The following LHFPL6 variants were observed in gnomAD, a reference collection of about 807,000 sequenced individuals.
LHFPL6 encodes the protein LHFPL tetraspan subfamily member 6, also known as LHFPL tetraspan subfamily member 6 protein.
A neutral mutation model predicts 20.6 loss-of-function variants in LHFPL6; 9 were observed. The observed-to-expected ratio is 0.44, with a 90% CI of 0.26 to 0.76. The LOEUF (loss-of-function observed/expected upper bound fraction) is 0.76, where lower values mean the gene tolerates loss of function less well. Among genes scored for constraint, LHFPL6 ranks in the 30% least tolerant of loss-of-function variants. The pLI, the probability that LHFPL6 is intolerant of heterozygous loss-of-function variation, is 0.20. For missense variants in LHFPL6, 218 were observed against 253.5 expected, an observed-to-expected ratio of 0.86 and a Z score of 0.95; for synonymous variants, 105 against 98.7, an observed-to-expected ratio of 1.06 and a Z score of -0.38.
intron 2 of LHFPL6, among the ~76,000 whole-genome samples, chr13:39,400,554 C>T (rs1315266655): frequency 6.6e-5 from 10 of 151,790 alleles, no homozygotes; most frequent in Admixed American, 4.6e-4. Flanking sequence ...GAGGCCGAGG[C>T]GGGCGGATCA....
At chr13:39,599,419 T>G (rs1311166860) in intron 2 of LHFPL6, among the ~76,000 whole-genome samples, 1 of 152,268 alleles carries the variant, frequency 6.6e-6, no homozygotes. Flanking sequence ...CAATGACAAC[T>G]TCTTTAGGTT....
intron 2 of LHFPL6, among the ~76,000 whole-genome samples, chr13:39,460,001 T>C (rs1872652758): frequency 6.6e-6 from 1 of 151,462 alleles, no homozygotes. Flanking sequence ...ATCTTTTCTT[T>C]AAAAAAAAAG....
At chr13:39,460,336 C>G (rs1872661221) in intron 2 of LHFPL6, among the ~76,000 whole-genome samples, 1 of 152,144 alleles carries the variant, frequency 6.6e-6, no homozygotes, top group Non-Finnish European at 1.5e-5. Context: ...AACTCCAATC[C>G]TTTCCTTAGT....
At chr13:39,499,633 T>C (rs970505137) in intron 2 of LHFPL6, among the ~76,000 whole-genome samples, 2 of 152,222 alleles carry the variant, frequency 1.3e-5, no homozygotes, top group African/African-American at 4.8e-5. Context: ...TCTAGGACAC[T>C]ACCTGGGTTT....
chr13:39,582,268 C>A (rs1211872240), intron 2 of LHFPL6, among the ~76,000 whole-genome samples: 1 of 152,202 alleles, frequency 6.6e-6, no homozygotes, highest in East Asian at 1.9e-4. Context: ...ATTTCTCATC[C>A]CATCTTTCAT....
intron 3 of LHFPL6, among the ~76,000 whole-genome samples, chr13:39,353,804 TACACA>T (rs1188753218): frequency 6.6e-6 from 1 of 152,176 alleles, no homozygotes; most frequent in East Asian, 1.9e-4. Context: ...GGCTGTCCTA[TACACA>T]ACTCCAAGGC....
At chr13:39,426,001 T>C (rs891415195) in intron 2 of LHFPL6, among the ~76,000 whole-genome samples, 3 of 152,062 alleles carry the variant, frequency 2.0e-5, no homozygotes, top group Admixed American at 6.6e-5. Flanking sequence ...AAGATGGTGG[T>C]AAAAAATATA....
At chr13:39,460,356 C>T (rs1052985362) in intron 2 of LHFPL6, among the ~76,000 whole-genome samples, 8 of 152,172 alleles carry the variant, frequency 5.3e-5, no homozygotes, top group South Asian at 2.1e-4. Flanking sequence ...TCTCAAGAGG[C>T]GACACAACAA....
At chr13:39,565,813 C>T (rs186908925) in intron 2 of LHFPL6, among the ~76,000 whole-genome samples, 65 of 152,314 alleles carry the variant, frequency 4.3e-4, no homozygotes, top group African/African-American at 1.5e-3. Flanking sequence ...CTGCCTCAGC[C>T]ACCTACACTG....
At chr13:39,385,331 C>A (rs2138365777) in intron 2 of LHFPL6, among the ~76,000 whole-genome samples, 1 of 152,344 alleles carries the variant, frequency 6.6e-6, no homozygotes, top group East Asian at 1.9e-4. Flanking sequence ...TTTTTGGGTT[C>A]ACCCTGTTCA....
At chr13:39,552,912 G>A (rs1239433743) in intron 2 of LHFPL6, among the ~76,000 whole-genome samples, 1 of 152,192 alleles carries the variant, frequency 6.6e-6, no homozygotes, top group East Asian at 1.9e-4. Context: ...TACTTATTCT[G>A]GAGGTGGTGA....
intron 2 of LHFPL6, among the ~76,000 whole-genome samples, chr13:39,549,220 G>A (rs9548808): frequency 0.45 from 69,103 of 151,994 alleles, 16,782 homozygotes; most frequent in East Asian, 0.58. Context: ...GATTTTCAAC[G>A]AAAGTGCAAA....
At chr13:39,600,788 C>A in intron 2 of LHFPL6, 44 bp downstream of exon 2, 1 of 1,446,796 alleles carries the variant, frequency 6.9e-7, no homozygotes. Flanking sequence ...TTTAATACTG[C>A]TTTGGGATTC....
At chr13:39,587,505 T>C (rs1288192503) in intron 2 of LHFPL6, among the ~76,000 whole-genome samples, 1 of 152,118 alleles carries the variant, frequency 6.6e-6, no homozygotes, top group East Asian at 1.9e-4. Context: ...TAAACATCTG[T>C]GATTTTGGTC....
chr13:39,560,058 C>T (rs1871423187), intron 2 of LHFPL6, among the ~76,000 whole-genome samples: 1 of 152,180 alleles, frequency 6.6e-6, no homozygotes, highest in South Asian at 2.1e-4. Context: ...CAGAACCCCA[C>T]ACATGAGAAA....
chr13:39,422,929 A>C (rs1871536024), intron 2 of LHFPL6, among the ~76,000 whole-genome samples: 2 of 152,208 alleles, frequency 1.3e-5, no homozygotes, highest in Admixed American at 1.3e-4. Flanking sequence ...GGCAGCAGCA[A>C]GGAAAAGTGC....
chr13:39,575,852 T>G (rs2138534789), intron 2 of LHFPL6, among the ~76,000 whole-genome samples: 1 of 152,318 alleles, frequency 6.6e-6, no homozygotes, highest in Non-Finnish European at 1.5e-5. Flanking sequence ...ATCTTCAGAT[T>G]GACGTTCAGC....
chr13:39,420,327 T>G (rs1871448859), intron 2 of LHFPL6, among the ~76,000 whole-genome samples: 1 of 152,198 alleles, frequency 6.6e-6, no homozygotes, highest in Non-Finnish European at 1.5e-5. Flanking sequence ...GGTTAATGGA[T>G]CATTCATCCT....
In LHFPL6 at chr13:39,527,446, T is replaced by C. The variant is rs535209977; in HGVS notation, c.385+73386A>G. Among the ~76,000 whole-genome samples, 141 of 151,840 alleles carry C rather than the reference T, an allele frequency of 9.3e-4. 1 individual carries two copies. The highest frequency in any genetic ancestry group is 3.3e-3 in the African/African-American group (135 of 41,372). On this transcript the variant is annotated intron_variant, in intron 2 of 3. Transcript: ENST00000379589. ...GCAGTTGGAGCTGACTTCAGGTTGATAGATTTCTGTCTCCTGTCCATCTTT... is the reference window on the plus strand; with the variant it reads ...GCAGTTGGAGCTGACTTCAGGTTGACAGATTTCTGTCTCCTGTCCATCTTT...
Sources: gnomAD v4.1 joint callset for allele counts (sites outside exome capture counted in the v4.1 genomes callset) on GRCh38, gnomAD v4.1.1 for gene constraint, MANE v1.5 for transcripts, NCBI Gene and HGNC (gene_info 2026-07-23, HGNC 2026-07-21) for gene names.